Variants in CNTN3 observed in about 807,000 individuals in gnomAD.
CNTN3 encodes contactin-3.
A neutral mutation model predicts 119.1 loss-of-function variants in CNTN3; 60 were observed. The observed-to-expected ratio is 0.50, with a 90% confidence interval of 0.41 to 0.62. The LOEUF is 0.62. CNTN3 is among the 20% of genes least tolerant of loss of function. CNTN3 has a pLI of 0.00. For synonymous variants in CNTN3, 450 were observed against 438.7 expected (o/e 1.03, Z -0.32); for missense variants, 1,101 against 1,242.4 (o/e 0.89, Z 1.71).
intron 4 of CNTN3, among the ~76,000 whole-genome samples, chr3:74,462,160 T>G (rs577220102): frequency 6.6e-6 from 1 of 152,062 alleles, no homozygotes; most frequent in Non-Finnish European, 1.5e-5. Flanking sequence ...ATGTGCCTGT[T>G]TCCCCTTCAC....
At chr3:74,409,295 G>A (rs1395605566) in intron 5 of CNTN3, among the ~76,000 whole-genome samples, 2 of 152,134 alleles carry the variant, frequency 1.3e-5, no homozygotes, top group African/African-American at 4.8e-5. Flanking sequence ...ATCATATCCA[G>A]ATAAGTAAGG....
chr3:74,576,857 CAT>C, intron 1 of CNTN3, among the ~76,000 whole-genome samples: 1 of 151,994 alleles, frequency 6.6e-6, no homozygotes, highest in East Asian at 1.9e-4. Flanking sequence ...CTACTGGAAA[CAT>C]ACAATATTTA....
intron 1 of CNTN3, among the ~76,000 whole-genome samples, chr3:74,604,085 CA>C (rs1292394598): frequency 2.0e-5 from 3 of 152,132 alleles, no homozygotes; most frequent in Non-Finnish European, 4.4e-5. Context: ...CTCTTCAATA[CA>C]TGGTGTTGGG....
At chr3:74,371,903 T>C (rs569219063) in intron 5 of CNTN3, among the ~76,000 whole-genome samples, 2 of 152,230 alleles carry the variant, frequency 1.3e-5, no homozygotes, top group African/African-American at 4.8e-5. Flanking sequence ...TTGCACGTGC[T>C]GCTTCTGGGG....
At chr3:74,319,946 T>C (rs1460887193) in intron 13 of CNTN3, among the ~76,000 whole-genome samples, 2 of 151,844 alleles carry the variant, frequency 1.3e-5, no homozygotes, top group Non-Finnish European at 1.5e-5. Context: ...ATCGGAGAAA[T>C]GCAAATCAAT....
At chr3:74,394,196 T>C (rs572416939) in intron 5 of CNTN3, among the ~76,000 whole-genome samples, 1 of 152,292 alleles carries the variant, frequency 6.6e-6, no homozygotes, top group African/African-American at 2.4e-5. Flanking sequence ...GTTCTTCTTG[T>C]TTATTAAGGT....
intron 4 of CNTN3, among the ~76,000 whole-genome samples, chr3:74,426,494 G>C (rs1701697588): frequency 6.6e-6 from 1 of 152,062 alleles, no homozygotes; most frequent in South Asian, 2.1e-4. Context: ...ATACTCTAAG[G>C]ATCATATAGC....
intron 1 of CNTN3, among the ~76,000 whole-genome samples, chr3:74,577,959 A>T (rs1704444717): frequency 6.6e-6 from 1 of 152,112 alleles, no homozygotes; most frequent in Non-Finnish European, 1.5e-5. Flanking sequence ...TTTAAATGTA[A>T]AAAGGAGATA....
chr3:74,535,387 G>A (rs1370773830), intron 1 of CNTN3, among the ~76,000 whole-genome samples: 1 of 152,036 alleles, frequency 6.6e-6, no homozygotes, highest in Non-Finnish European at 1.5e-5. Flanking sequence ...GATGGGAGAA[G>A]TACTCCCAAA....
At chr3:74,595,236 T>G (rs1704784888) in intron 1 of CNTN3, among the ~76,000 whole-genome samples, 2 of 151,770 alleles carry the variant, frequency 1.3e-5, no homozygotes, top group African/African-American at 4.9e-5. Flanking sequence ...TCTCCCATTT[T>G]GTAGGTTGCC....
intron 4 of CNTN3, among the ~76,000 whole-genome samples, chr3:74,469,037 A>G (rs1412246078): frequency 3.3e-5 from 5 of 152,208 alleles, no homozygotes; most frequent in African/African-American, 1.2e-4. Flanking sequence ...TATTTCATCC[A>G]ATGCTCTCAG....
chr3:74,377,965 G>A (rs1217366631), intron 5 of CNTN3, among the ~76,000 whole-genome samples: 1 of 152,056 alleles, frequency 6.6e-6, no homozygotes, highest in Non-Finnish European at 1.5e-5. Context: ...TCCTTCTATG[G>A]CCACTTTCCA....
At chr3:74,566,801 C>A (rs562827452) in intron 1 of CNTN3, among the ~76,000 whole-genome samples, 1 of 152,178 alleles carries the variant, frequency 6.6e-6, no homozygotes, top group Non-Finnish European at 1.5e-5. Flanking sequence ...ATAGAGGCTA[C>A]AAGGTCCTGG....
chr3:74,442,392 C>T (rs1226770266), intron 4 of CNTN3, among the ~76,000 whole-genome samples: 3 of 151,988 alleles, frequency 2.0e-5, no homozygotes, highest in South Asian at 2.1e-4. Flanking sequence ...TCATTTTTAT[C>T]GAATAATAGC....
intron 4 of CNTN3, among the ~76,000 whole-genome samples, chr3:74,441,290 G>A (rs993159848): frequency 1.3e-5 from 2 of 152,008 alleles, no homozygotes; most frequent in African/African-American, 4.8e-5. Flanking sequence ...ATAATAGATG[G>A]AAATAAATAT....
At chr3:74,403,106 C>G (rs1042085132) in intron 5 of CNTN3, among the ~76,000 whole-genome samples, 7 of 152,072 alleles carry the variant, frequency 4.6e-5, no homozygotes, top group Non-Finnish European at 7.4e-5. Flanking sequence ...TGAAGTGTTG[C>G]AAGCAAGGGA....
intron 4 of CNTN3, among the ~76,000 whole-genome samples, chr3:74,479,923 T>C (rs35333157): frequency 0.34 from 51,622 of 151,930 alleles, 11,654 homozygotes; most frequent in Non-Finnish European, 0.5. Flanking sequence ...AGTATAAGAC[T>C]ATAGAAAAAT....
chr3:74,571,656 A>G (rs1704336161), intron 1 of CNTN3, among the ~76,000 whole-genome samples: 2 of 152,212 alleles, frequency 1.3e-5, no homozygotes, highest in African/African-American at 4.8e-5. Flanking sequence ...AACTACTACA[A>G]CAGGAAACTT....
At position 74,499,613 on chromosome 3, in the gene CNTN3, G is replaced by C. The variant is rs1272732940; in HGVS notation, c.182+46C>G. On this transcript the variant is annotated intron_variant, in intron 3 of 22. Coordinates refer to ENST00000263665, the MANE Select transcript of CNTN3 (RefSeq NM_020872.3). ...AAAAAAATTCACAATCACCACATAA[G>C]TGTGTTTAGTTTTTTTTATTTGAAT... 1.9e-6 allele frequency: 3 copies of C among 1,559,538 alleles called. No individual in the cohort carries two copies. In the African/African-American group the frequency reaches 4.2e-5, roughly 22 times the overall value.
Sources: allele counts gnomAD v4.1 joint callset (sites outside exome capture counted in the v4.1 genomes callset), GRCh38; gene constraint gnomAD v4.1.1; transcripts MANE v1.5; gene names NCBI Gene and HGNC (gene_info 2026-07-23, HGNC 2026-07-21).